RYR2: variants seen among roughly 807,000 people sequenced by gnomAD.
The protein encoded by RYR2 is cardiac muscle ryanodine receptor-calcium release channel.
Under a neutral mutation model 601.1 loss-of-function variants are expected in RYR2, and 227 were observed. That is an observed-to-expected ratio of 0.38 (90% confidence interval 0.34 to 0.42). The LOEUF (loss-of-function observed/expected upper bound fraction) is 0.42. Ranked by LOEUF, RYR2 falls within the 10% of genes least tolerant of loss-of-function variation. The pLI is 1.00. For missense variants in RYR2, 4,646 were observed against 6,156.5 expected, an observed-to-expected ratio of 0.75 and a Z score of 8.21; for synonymous variants, 2,223 against 2,175.1, an observed-to-expected ratio of 1.02 and a Z score of -0.61.
chr1:237,219,902 C>T (rs1683620043), intron 1 of RYR2, among the ~76,000 whole-genome samples: 1 of 152,220 alleles, frequency 6.6e-6, no homozygotes, highest in African/African-American at 2.4e-5. Context: ...ATTTACTTGA[C>T]AACTGTCTTT....
chr1:237,413,093 A>G (rs74935952), intron 10 of RYR2, among the ~76,000 whole-genome samples: 6,307 of 152,152 alleles, frequency 0.041, 212 homozygotes, highest in Non-Finnish European at 0.068. Flanking sequence ...TGTGGTGCCA[A>G]TTTTCAGTCT....
rs74147265 is a variant in RYR2, at chr1:237,443,761, T to C, written c.1171-1640T>C. On this transcript the variant is annotated intron_variant, in intron 13 of 104. Transcript: ENST00000366574. ...GGTCTTTTTTTCAACCATTTAAAAATGTAAACACCATTCTTAGCTCATGGG... is the reference window on the plus strand; with the variant it reads ...GGTCTTTTTTTCAACCATTTAAAAACGTAAACACCATTCTTAGCTCATGGG... 7.2e-3 allele frequency among the ~76,000 whole-genome samples: 1,099 copies of C among 152,288 alleles called. 7 individuals carry two copies. Among genetic ancestry groups the C allele is most frequent in the African/African-American group, 0.024 (993 of 41,554 alleles).
chr1:237,096,215 T>C (rs1389408047), intron 1 of RYR2, among the ~76,000 whole-genome samples: 2 of 152,200 alleles, frequency 1.3e-5, no homozygotes, highest in South Asian at 2.1e-4. Context: ...TCAAATACTT[T>C]CCACTGCAGA....
At chr1:237,265,495 T>C (rs1374450570) in intron 1 of RYR2, among the ~76,000 whole-genome samples, 1 of 152,000 alleles carries the variant, frequency 6.6e-6, no homozygotes, top group African/African-American at 2.4e-5. Flanking sequence ...CTAATTTTTG[T>C]ATTTTTAGTA....
intron 17 of RYR2, among the ~76,000 whole-genome samples, chr1:237,480,800 A>G (rs912721474): frequency 6.6e-6 from 1 of 152,278 alleles, no homozygotes; most frequent in African/African-American, 2.4e-5. Context: ...TTGCAAATGC[A>G]TCCACGATAT....
chr1:237,337,604 T>C (rs1254301728), intron 3 of RYR2, among the ~76,000 whole-genome samples: 1 of 152,182 alleles, frequency 6.6e-6, no homozygotes, highest in African/African-American at 2.4e-5. Context: ...CCCTTTGTTG[T>C]GGGAATCAAA....
At chr1:237,210,229 T>A (rs1044940676) in intron 1 of RYR2, among the ~76,000 whole-genome samples, 14 of 152,198 alleles carry the variant, frequency 9.2e-5, no homozygotes, top group Non-Finnish European at 1.6e-4. Context: ...TTTAAAAAAA[T>A]TTTTAACATG....
At chr1:237,102,009 T>C (rs911516177) in intron 1 of RYR2, among the ~76,000 whole-genome samples, 3 of 152,312 alleles carry the variant, frequency 2.0e-5, no homozygotes, top group Non-Finnish European at 4.4e-5. Context: ...GTGAGTGTTA[T>C]AGGAATGTAG....
intron 1 of RYR2, among the ~76,000 whole-genome samples, chr1:237,070,136 T>A (rs181660035): frequency 1.8e-4 from 28 of 151,654 alleles, no homozygotes; most frequent in Admixed American, 1.8e-3. Context: ...GCTCAAGTGA[T>A]CCTCCCACCT....
chr1:237,733,597 G>T, intron 78 of RYR2, 108 bp from the exon 79 acceptor site: 2 of 733,026 alleles, frequency 2.7e-6, no homozygotes, highest in Admixed American at 2.1e-5. Context: ...ATTTTAAAAA[G>T]GTATACTTGT....
intron 10 of RYR2, 119 bp from the exon 11 acceptor site, chr1:237,416,930 T>C: frequency 2.5e-6 from 2 of 802,086 alleles, no homozygotes; most frequent in Non-Finnish European, 4.2e-6. Context: ...AAAGTATAAC[T>C]TTAACTGTTT....
At position 237,629,260 on chromosome 1, in the gene RYR2, T is replaced by C. The variant is rs535792919; in HGVS notation, c.6440+1180T>C. Among the ~76,000 whole-genome samples the C allele has an allele frequency of 3.3e-5, 5 of 152,222 alleles. No individual in the cohort carries two copies. The South Asian group carries it at 6.2e-4, about 19-fold the overall frequency. On this transcript the variant is annotated intron_variant, in intron 41 of 104. Transcript: ENST00000366574. ...TGAGTAGTGTTCGCTACTCAGGTGA[T>C]GGTACAACCAAAGCCCAGGCTGTTT... is the stretch of plus-strand genomic sequence containing the variant.
chr1:237,150,385 A>G (rs923701255), intron 1 of RYR2, among the ~76,000 whole-genome samples: 1 of 152,200 alleles, frequency 6.6e-6, no homozygotes, highest in African/African-American at 2.4e-5. Flanking sequence ...GATGGGATGA[A>G]TTCAGAGGAT....
At chr1:237,765,391 T>C (rs1327082497) in intron 84 of RYR2, among the ~76,000 whole-genome samples, 1 of 152,148 alleles carries the variant, frequency 6.6e-6, no homozygotes, top group African/African-American at 2.4e-5. Flanking sequence ...TGATCCGATT[T>C]CTTAAAAATA....
intron 13 of RYR2, among the ~76,000 whole-genome samples, chr1:237,443,375 T>A (rs2150156375): frequency 6.6e-6 from 1 of 152,290 alleles, no homozygotes; most frequent in Non-Finnish European, 1.5e-5. Flanking sequence ...TTTTTATGTT[T>A]AAGTAGCCTC....
chr1:237,539,664 G>A (rs1669041953), intron 25 of RYR2, among the ~76,000 whole-genome samples: 1 of 152,102 alleles, frequency 6.6e-6, no homozygotes, highest in Non-Finnish European at 1.5e-5. Context: ...CACAGGGAGA[G>A]GGACAATACA....
At chr1:237,564,699 G>T (rs957930628) in intron 27 of RYR2, among the ~76,000 whole-genome samples, 1 of 152,184 alleles carries the variant, frequency 6.6e-6, no homozygotes, top group African/African-American at 2.4e-5. Context: ...ATAGGCATGA[G>T]AATTTACCCT....
intron 1 of RYR2, among the ~76,000 whole-genome samples, chr1:237,201,267 A>G (rs1681160942): frequency 6.6e-6 from 1 of 152,208 alleles, no homozygotes; most frequent in Non-Finnish European, 1.5e-5. Context: ...TATTAGTGTC[A>G]CATTGAGGTC....
chr1:237,697,455 ATAT>A (rs1352865903), intron 63 of RYR2, among the ~76,000 whole-genome samples: 1 of 143,508 alleles, frequency 7.0e-6, no homozygotes, highest in Non-Finnish European at 1.5e-5. Context: ...ATGTAAATAT[ATAT>A]TATATGATAT....
Sources: gnomAD v4.1 joint callset for allele counts (sites outside exome capture counted in the v4.1 genomes callset) on GRCh38, gnomAD v4.1.1 for gene constraint, MANE v1.5 for transcripts, NCBI Gene and HGNC (gene_info 2026-07-23, HGNC 2026-07-21) for gene names.